The following PREX1 variants were observed in gnomAD, a reference collection of about 807,000 sequenced individuals.
PREX1 encodes the protein phosphatidylinositol 3,4,5-trisphosphate-dependent Rac exchanger 1 protein.
A neutral mutation model predicts 198.3 loss-of-function variants in PREX1; 41 were observed. The ratio of observed to expected loss-of-function variants is 0.21; its 90% CI spans 0.16 to 0.27. The LOEUF is 0.27. Among genes scored for constraint, PREX1 ranks in the 10% least tolerant of loss-of-function variants. The pLI is 1.00. For synonymous variants in PREX1, 843 were observed against 887.2 expected (o/e 0.95, Z 0.89); for missense variants, 1,620 against 2,200.7 (o/e 0.74, Z 5.28).
chr20:48,688,113 G>A (rs2089795989), intron 10 of PREX1, among the ~76,000 whole-genome samples: 1 of 152,038 alleles, frequency 6.6e-6, no homozygotes, highest in Non-Finnish European at 1.5e-5. Flanking sequence ...GGTGGGGGTG[G>A]GGGGCCTACC....
intron 13 of PREX1, among the ~76,000 whole-genome samples, 182 bp downstream of exon 13, chr20:48,679,177 AC>A: frequency 6.6e-6 from 1 of 152,278 alleles, no homozygotes; most frequent in African/African-American, 2.4e-5. Flanking sequence ...GCATCACTAC[AC>A]TGCAGTGCTT....
chr20:48,847,553 G>A, the PREX1 span, among the ~76,000 whole-genome samples: 1 of 152,136 alleles, frequency 6.6e-6, no homozygotes, highest in Non-Finnish European at 1.5e-5. Context: ...AGAAGAAAAT[G>A]AAAATTGCCT....
intron 3 of PREX1, among the ~76,000 whole-genome samples, chr20:48,736,655 G>C (rs1481451060): frequency 6.6e-6 from 1 of 152,214 alleles, no homozygotes; most frequent in Non-Finnish European, 1.5e-5. Flanking sequence ...GTAAAACCTT[G>C]TGAGTGGGGG....
chr20:48,816,333 C>T (rs2090459056), intron 1 of PREX1, among the ~76,000 whole-genome samples: 1 of 152,202 alleles, frequency 6.6e-6, no homozygotes, highest in African/African-American at 2.4e-5. Context: ...GAGATGGCCC[C>T]AGGATCACTG....
At chr20:48,712,603 C>G (rs1601091806) in intron 5 of PREX1, among the ~76,000 whole-genome samples, 1 of 152,260 alleles carries the variant, frequency 6.6e-6, no homozygotes, top group Admixed American at 6.5e-5. Flanking sequence ...TCTATCTGTC[C>G]GCCTCTATCT....
At chr20:48,760,540 G>C (rs578142562) in intron 1 of PREX1, among the ~76,000 whole-genome samples, 22 of 152,206 alleles carry the variant, frequency 1.4e-4, no homozygotes, top group East Asian at 5.8e-4. Context: ...AAACAAAAAG[G>C]GGGGGAGGAG....
the PREX1 span, among the ~76,000 whole-genome samples, chr20:48,836,797 C>A: frequency 1.9e-4 from 29 of 151,408 alleles, no homozygotes; most frequent in African/African-American, 7.0e-4. Context: ...CACTTGTAAT[C>A]CCCACTACTC....
intron 17 of PREX1, 78 bp from the exon 18 acceptor site, chr20:48,657,266 T>G: frequency 6.6e-7 from 1 of 1,517,972 alleles, no homozygotes; most frequent in South Asian, 1.2e-5. Context: ...AGCTCAAATG[T>G]GTTCAGCAGA....
intron 35 of PREX1, among the ~76,000 whole-genome samples, chr20:48,632,003 C>A (rs2059592449): frequency 6.6e-6 from 1 of 152,226 alleles, no homozygotes; most frequent in Admixed American, 6.5e-5. Context: ...CAAACAGACC[C>A]CAGTTCAAAG....
chr20:48,823,972 T>C (rs1017429625), intron 1 of PREX1, among the ~76,000 whole-genome samples: 1 of 152,046 alleles, frequency 6.6e-6, no homozygotes, highest in African/African-American at 2.4e-5. Flanking sequence ...ATTAAATGAG[T>C]TGACACATGC....
chr20:48,627,660 C>T, intron 38 of PREX1, 45 bp from the exon 39 acceptor site: 1 of 1,565,138 alleles, frequency 6.4e-7, no homozygotes, highest in Non-Finnish European at 8.8e-7. Context: ...AGGTTCAGGG[C>T]ACGTGAGGAA....
chr20:48,747,932 T>C (rs1482189078), intron 1 of PREX1, 52 bp from the exon 2 acceptor site: 8 of 1,513,990 alleles, frequency 5.3e-6, no homozygotes, highest in African/African-American at 1.4e-5. Context: ...AGCTCTCCCA[T>C]GGACGGCCCT....
the PREX1 span, among the ~76,000 whole-genome samples, chr20:48,858,672 G>C: frequency 9.9e-5 from 15 of 152,170 alleles, no homozygotes; most frequent in Non-Finnish European, 1.5e-4. Context: ...CCCAGGGTGA[G>C]TCTGGCTGAA....
chr20:48,774,063 G>A (rs1019590871), intron 1 of PREX1, among the ~76,000 whole-genome samples: 4 of 152,208 alleles, frequency 2.6e-5, no homozygotes, highest in Non-Finnish European at 5.9e-5. Context: ...TTTCTGGCCT[G>A]TACCACTGGC....
chr20:48,658,393 C>T lies in PREX1; in HGVS notation c.1882-165G>A, dbSNP rs182195392. ...AAACGCAAACAGCACCTGGCAGAGCCAGTGCTCACTCTGTGCCTGCCACTG... is the reference window on the plus strand; with the variant it reads ...AAACGCAAACAGCACCTGGCAGAGCTAGTGCTCACTCTGTGCCTGCCACTG... On this transcript the variant is annotated intron_variant, in intron 16 of 39. Transcript: ENST00000371941. Among the ~76,000 whole-genome samples, 419 of 152,376 alleles carry T rather than the reference C, an allele frequency of 2.7e-3. 6 individuals carry two copies. Among genetic ancestry groups the T allele is most frequent in the African/African-American group, 9.7e-3 (405 of 41,588 alleles).
rs879268733 is a variant in PREX1 at position 48,686,167 on chromosome 20, T to C, written c.1334+2490A>G. Among the ~76,000 whole-genome samples, 7 of 152,128 alleles carry C rather than the reference T, an allele frequency of 4.6e-5. No homozygotes were observed. The South Asian group carries it at 1.3e-3, about 27-fold the overall frequency. ...GGTGTTGTGTGGGGATTAAAAGACA[T>C]GGCTGAATGCCAGCACATGCAGCAA... On this transcript the variant is annotated intron_variant, in intron 10 of 39. Transcript: ENST00000371941.
In PREX1 at chr20:48,661,594, G is replaced by C. The variant is rs367921735; in HGVS notation, c.1739-1533C>G. On this transcript the variant is annotated intron_variant, in intron 15 of 39. Coordinates refer to ENST00000371941, the MANE Select transcript of PREX1 (RefSeq NM_020820.4). ...ACACACTGACCCCTTTCTAGGACAA[G>C]CCAGGAAAATGAATAAAAATAACCA... is the stretch of plus-strand genomic sequence containing the variant. Among the ~76,000 whole-genome samples the C allele has an allele frequency of 3.0e-4, 44 of 144,740 alleles. No homozygotes were observed. In the East Asian group the frequency reaches 3.6e-3, roughly 12 times the overall value. 95.0% of individuals were successfully genotyped at this position (144,740 alleles called of 152,430 possible). A position where few individuals can be genotyped will look rare whatever the true frequency, so the allele number is the denominator to read the frequency against.
the PREX1 span, among the ~76,000 whole-genome samples, chr20:48,860,584 T>A: frequency 6.6e-6 from 1 of 152,214 alleles, no homozygotes; most frequent in African/African-American, 2.4e-5. Flanking sequence ...GCCACGTCTG[T>A]AATTCCAGCA....
intron 31 of PREX1, 108 bp from the exon 32 acceptor site, chr20:48,636,791 G>A: frequency 1.1e-6 from 1 of 932,558 alleles, no homozygotes; most frequent in Non-Finnish European, 1.6e-6. Flanking sequence ...CCCCAGCAAA[G>A]GGCTAACATC....
Sources: gnomAD v4.1 joint callset for allele counts (sites outside exome capture counted in the v4.1 genomes callset) on GRCh38, gnomAD v4.1.1 for gene constraint, MANE v1.5 for transcripts, NCBI Gene and HGNC (gene_info 2026-07-23, HGNC 2026-07-21) for gene names.